The following STXBP5L variants were observed in gnomAD, a reference collection of about 807,000 sequenced individuals.
The protein encoded by STXBP5L is syntaxin binding protein 5L, also known as syntaxin-binding protein 5-like.
STXBP5L carries 65 observed loss-of-function variants against 144.5 expected under a neutral mutation model. The ratio of observed to expected loss-of-function variants is 0.45; its 90% CI spans 0.37 to 0.55. The LOEUF (loss-of-function observed/expected upper bound fraction) is 0.55, where lower values mean the gene tolerates loss of function less well. Ranked by LOEUF, STXBP5L falls within the 20% of genes least tolerant of loss-of-function variation. The pLI, the probability that STXBP5L is intolerant of heterozygous loss-of-function variation, is 0.00. For synonymous variants in STXBP5L, 505 were observed against 469.6 expected (o/e 1.08, Z -0.97); for missense variants, 1,298 against 1,405.5 (o/e 0.92, Z 1.22).
chr3:121,293,762 G>A (rs2051539116), intron 19 of STXBP5L, among the ~76,000 whole-genome samples: 1 of 152,252 alleles, frequency 6.6e-6, no homozygotes, highest in Non-Finnish European at 1.5e-5. Context: ...TTGGGAGACT[G>A]AGGCGGGAGA....
chr3:121,168,013 C>T (rs1256698937), intron 9 of STXBP5L, among the ~76,000 whole-genome samples: 3 of 152,180 alleles, frequency 2.0e-5, no homozygotes, highest in Non-Finnish European at 4.4e-5. Context: ...TGTTCTGCAG[C>T]CACCACTGGT....
intron 10 of STXBP5L, among the ~76,000 whole-genome samples, chr3:121,216,332 C>T (rs2048774979): frequency 6.6e-6 from 1 of 152,042 alleles, no homozygotes; most frequent in Non-Finnish European, 1.5e-5. Context: ...GATTTATTTA[C>T]CTTTGGTCTT....
At chr3:121,041,850 C>A in intron 4 of STXBP5L, 69 bp downstream of exon 4, 2 of 986,478 alleles carry the variant, frequency 2.0e-6, no homozygotes, top group Admixed American at 1.8e-5. Context: ...TTAATGTAAT[C>A]TTTTAAATAC....
At chr3:121,346,653 G>A (rs867317882) in intron 20 of STXBP5L, among the ~76,000 whole-genome samples, 1 of 152,156 alleles carries the variant, frequency 6.6e-6, no homozygotes, top group Non-Finnish European at 1.5e-5. Flanking sequence ...TCTAACTGGT[G>A]TGAGATGGTA....
chr3:121,272,402 T>C (rs947711487), intron 18 of STXBP5L, among the ~76,000 whole-genome samples: 12 of 152,228 alleles, frequency 7.9e-5, no homozygotes, highest in African/African-American at 2.9e-4. Flanking sequence ...ATGACAGTTT[T>C]TAACTTAAAG....
intron 3 of STXBP5L, among the ~76,000 whole-genome samples, chr3:120,978,307 G>C (rs758601860): frequency 1.3e-5 from 2 of 151,884 alleles, no homozygotes; most frequent in African/African-American, 4.8e-5. Flanking sequence ...ATCTTCCTTT[G>C]CTGATACCCT....
At chr3:121,282,908 A>G (rs2051107681) in intron 19 of STXBP5L, among the ~76,000 whole-genome samples, 1 of 151,986 alleles carries the variant, frequency 6.6e-6, no homozygotes, top group Non-Finnish European at 1.5e-5. Flanking sequence ...TAAAAAGTAA[A>G]CAAATAAATA....
intron 2 of STXBP5L, among the ~76,000 whole-genome samples, chr3:120,926,751 G>A (rs946455125): frequency 7.9e-5 from 12 of 151,912 alleles, no homozygotes; most frequent in African/African-American, 9.7e-5. Context: ...TCTCCTCTGC[G>A]TATTTTCAAA....
At chr3:120,962,049 T>C (rs989243334) in intron 3 of STXBP5L, among the ~76,000 whole-genome samples, 12 of 152,242 alleles carry the variant, frequency 7.9e-5, no homozygotes, top group Non-Finnish European at 1.3e-4. Context: ...TTTTCATGTG[T>C]CTTTTGGCTG....
chr3:120,960,613 C>T (rs566784127), intron 3 of STXBP5L, among the ~76,000 whole-genome samples: 60 of 152,248 alleles, frequency 3.9e-4, no homozygotes, highest in African/African-American at 1.2e-3. Flanking sequence ...TTTGTAGGGA[C>T]ATGGATGAAG....
At chr3:121,038,557 G>T (rs949389889) in intron 3 of STXBP5L, among the ~76,000 whole-genome samples, 1 of 151,840 alleles carries the variant, frequency 6.6e-6, no homozygotes, top group Non-Finnish European at 1.5e-5. Flanking sequence ...TATTTCAAAA[G>T]TATATTTATT....
chr3:121,142,744 A>C lies in STXBP5L; in HGVS notation c.670-9733A>C, dbSNP rs146994920. The stretch of plus-strand genomic sequence containing the variant: ...CTACCAAAAATTATGGGATGCAGCA[A>C]AAGCAATACTAAGAGGGAAGTTCTA... On this transcript the variant is annotated intron_variant, in intron 7 of 26. Transcript: ENST00000471454. 2.0e-5 allele frequency among the ~76,000 whole-genome samples: 3 copies of C among 152,046 alleles called. No homozygotes were observed. In the East Asian group the frequency reaches 5.8e-4, roughly 29 times the overall value.
At position 121,257,329 on chromosome 3, in the gene STXBP5L, C is replaced by A; in HGVS notation, c.1828C>A (p.Leu610Ile). The change falls in exon 17 of 27, where the codon CTC becomes ATC. Residue 610 changes from leucine to isoleucine, a missense_variant. By Grantham distance (5) the Leu-to-Ile change is conservative. Transcript: ENST00000471454. Reference sequence around the variant, plus strand: ...AGTAACAAAGGACAGTATTCCATGCCTCAAGTAAGAGTTTCTACCAAATTT... The same window carrying A: ...AGTAACAAAGGACAGTATTCCATGCATCAAGTAAGAGTTTCTACCAAATTT... ...EGVTKDSIPC[L>I]NVKTRPVRMP... The A allele has an allele frequency of 6.2e-7, 1 of 1,600,932 alleles. No homozygotes were observed. Among genetic ancestry groups the A allele is most frequent in the South Asian group, 1.1e-5 (1 of 88,758 alleles).
intron 9 of STXBP5L, among the ~76,000 whole-genome samples, chr3:121,159,824 G>C (rs367675403): frequency 2.0e-5 from 3 of 151,778 alleles, no homozygotes; most frequent in African/African-American, 7.2e-5. Flanking sequence ...AGTAGAGACG[G>C]GGTTTCACCG....
intron 20 of STXBP5L, among the ~76,000 whole-genome samples, chr3:121,334,072 G>C (rs1005794671): frequency 6.6e-6 from 1 of 152,036 alleles, no homozygotes; most frequent in Admixed American, 6.6e-5. Flanking sequence ...AACCCCTTTT[G>C]CTTGGTTCTC....
In STXBP5L at chr3:121,205,965, C is replaced by A; in HGVS notation, c.920C>A (p.Pro307Gln). ...GGAAGAAAATCTGAATCTTGTAAACCAATTCTTAAAGTAGAATACAAGACC... is the reference window on the plus strand; with the variant it reads ...GGAAGAAAATCTGAATCTTGTAAACAAATTCTTAAAGTAGAATACAAGACC... ...REGRKSESCKPILKVEYKTCK... is the reference protein window; with the variant it reads ...REGRKSESCKQILKVEYKTCK... Residue 307 changes from proline to glutamine, a missense_variant, in exon 10 of 27, where the codon CCA becomes CAA. By Grantham distance (76) the Pro-to-Gln change is moderately conservative. Coordinates refer to ENST00000471454, the MANE Select transcript of STXBP5L (RefSeq NM_001308330.2). 2.0e-6 allele frequency: 3 copies of A among 1,514,478 alleles called. No individual in the cohort carries two copies. Among genetic ancestry groups the A allele is most frequent in the South Asian group, 1.4e-5 (1 of 71,454 alleles). The allele number at this position is 1,514,478 out of a possible 1,614,324, so 93.8% of individuals were successfully genotyped here.
chr3:121,097,625 C>T (rs2043196302), intron 5 of STXBP5L, among the ~76,000 whole-genome samples: 1 of 152,146 alleles, frequency 6.6e-6, no homozygotes, highest in African/African-American at 2.4e-5. Context: ...TGCTTCAGAT[C>T]ACCCTCCGTG....
intron 9 of STXBP5L, among the ~76,000 whole-genome samples, chr3:121,185,858 A>T (rs529355614): frequency 6.6e-6 from 1 of 152,156 alleles, no homozygotes; most frequent in Non-Finnish European, 1.5e-5. Context: ...CTTGATGGAG[A>T]TGGCATTGAA....
At chr3:121,272,821 A>T (rs573360819) in intron 18 of STXBP5L, among the ~76,000 whole-genome samples, 4 of 152,202 alleles carry the variant, frequency 2.6e-5, no homozygotes, top group Middle Eastern at 3.4e-3. Flanking sequence ...TACGTGGAAC[A>T]TCTTATACTT....
Sources: allele counts gnomAD v4.1 joint callset (sites outside exome capture counted in the v4.1 genomes callset), GRCh38; gene constraint gnomAD v4.1.1; transcripts MANE v1.5; gene names NCBI Gene and HGNC (gene_info 2026-07-23, HGNC 2026-07-21).